Variants in CDH4 observed in about 807,000 individuals in gnomAD.
The protein encoded by CDH4 is cadherin 4.
CDH4 carries 33 observed loss-of-function variants against 86.0 expected under a neutral mutation model. That is an observed-to-expected ratio of 0.38 (90% CI 0.29 to 0.51). The LOEUF is 0.51. Among genes scored for constraint, CDH4 ranks in the 20% least tolerant of loss-of-function variants. The pLI is 0.86. For synonymous variants in CDH4, 555 were observed against 549.4 expected, an observed-to-expected ratio of 1.01 and a Z score of -0.14; for missense variants, 1,114 against 1,307.4, an observed-to-expected ratio of 0.85 and a Z score of 2.28.
chr20:61,729,991 T>C (rs2088159525), intron 2 of CDH4, among the ~76,000 whole-genome samples: 1 of 152,180 alleles, frequency 6.6e-6, no homozygotes, highest in African/African-American at 2.4e-5. Context: ...CATTTCTTAA[T>C]AGACTTTGGT....
At chr20:61,297,797 G>A (rs892835809) in intron 2 of CDH4, among the ~76,000 whole-genome samples, 6 of 152,370 alleles carry the variant, frequency 3.9e-5, no homozygotes, top group South Asian at 2.1e-4. Context: ...TTGTCTTAGC[G>A]TGCTCCTTTC....
chr20:61,361,620 C>T lies in CDH4; in HGVS notation c.169+106683C>T, dbSNP rs965233954. On this transcript the variant is annotated intron_variant, in intron 2 of 15. Coordinates refer to ENST00000614565, the MANE Select transcript of CDH4 (RefSeq NM_001794.5). Reference sequence around the variant, plus strand: ...TCCGACAGTCGTGCGTGGAGGAGCCCGGCCTGACTCCTTCCTTGAACAGAC... The same window carrying T: ...TCCGACAGTCGTGCGTGGAGGAGCCTGGCCTGACTCCTTCCTTGAACAGAC... Among the ~76,000 whole-genome samples, 17 of 152,190 alleles carry T rather than the reference C, an allele frequency of 1.1e-4. 1 individual carries two copies. The highest frequency in any genetic ancestry group is 6.5e-4 in the Admixed American group (10 of 15,284).
At chr20:61,874,270 A>G (rs1043516948) in intron 7 of CDH4, among the ~76,000 whole-genome samples, 3 of 150,480 alleles carry the variant, frequency 2.0e-5, no homozygotes, top group Non-Finnish European at 4.4e-5. Flanking sequence ...CTTGAAACCC[A>G]CCCCTTCTGG....
chr20:61,356,215 A>G (rs1197925705), intron 2 of CDH4, among the ~76,000 whole-genome samples: 2 of 152,178 alleles, frequency 1.3e-5, no homozygotes, highest in Admixed American at 6.5e-5. Flanking sequence ...ACGAGGGATT[A>G]TCTTGGAAGA....
At chr20:61,768,358 A>G (rs2088727296) in intron 3 of CDH4, among the ~76,000 whole-genome samples, 1 of 152,148 alleles carries the variant, frequency 6.6e-6, no homozygotes, top group Non-Finnish European at 1.5e-5. Flanking sequence ...ATATATCTAT[A>G]TGTGCATGTG....
At chr20:61,779,959 T>A (rs551878911) in intron 4 of CDH4, among the ~76,000 whole-genome samples, 1 of 152,198 alleles carries the variant, frequency 6.6e-6, no homozygotes, top group Non-Finnish European at 1.5e-5. Flanking sequence ...GGAGTCCACC[T>A]AAGCACCCAC....
chr20:61,674,973 TAGAAAG>T (rs988281951), intron 2 of CDH4, among the ~76,000 whole-genome samples: 4 of 152,196 alleles, frequency 2.6e-5, no homozygotes, highest in Non-Finnish European at 4.4e-5. Flanking sequence ...GGTGAGCAAT[TAGAAAG>T]AGACATTGTG....
At chr20:61,575,003 G>A (rs79182657) in intron 2 of CDH4, among the ~76,000 whole-genome samples, 4,478 of 152,292 alleles carry the variant, frequency 0.029, 208 homozygotes, top group African/African-American at 0.092. Context: ...GAAACACCAC[G>A]CTGGGAAGGT....
intron 2 of CDH4, among the ~76,000 whole-genome samples, chr20:61,549,571 G>C (rs1480385614): frequency 6.6e-6 from 1 of 152,208 alleles, no homozygotes; most frequent in Admixed American, 6.5e-5. Context: ...GATGCTCCTC[G>C]TGTGTTCCGT....
intron 2 of CDH4, among the ~76,000 whole-genome samples, chr20:61,318,236 C>A (rs1274122621): frequency 6.6e-6 from 1 of 152,166 alleles, no homozygotes; most frequent in Middle Eastern, 3.2e-3. Flanking sequence ...TGACGACTCT[C>A]CCGTATGTTC....
At chr20:61,588,629 C>A (rs145733905) in intron 2 of CDH4, among the ~76,000 whole-genome samples, 32 of 152,116 alleles carry the variant, frequency 2.1e-4, no homozygotes, top group South Asian at 4.1e-4. Context: ...GGCCCTCCCC[C>A]TCCCGAGACC....
chr20:61,904,471 C>T (rs997192624), intron 8 of CDH4, among the ~76,000 whole-genome samples: 1 of 152,156 alleles, frequency 6.6e-6, no homozygotes, highest in East Asian at 1.9e-4. Flanking sequence ...GGAGTCCTCA[C>T]GCCCACCAGC....
At chr20:61,901,232 G>A (rs1348245711) in intron 8 of CDH4, among the ~76,000 whole-genome samples, 7 of 151,024 alleles carry the variant, frequency 4.6e-5, no homozygotes, top group Admixed American at 1.3e-4. Flanking sequence ...TAGGGGCAGG[G>A]GCAGGGGCAG....
Position 61,383,177 on chromosome 20 carries a change from T to TATA in CDH4, c.169+128240_169+128241insATA, listed in dbSNP as rs546345326. Among the ~76,000 whole-genome samples, 39 of 102,362 alleles carry TATA rather than the reference T, an allele frequency of 3.8e-4. 5 individuals are homozygous for TATA. The highest frequency in any genetic ancestry group is 4.7e-3 in the Middle Eastern group (1 of 212). 67.2% of individuals were successfully genotyped at this position (102,362 alleles called of 152,430 possible). On this transcript the variant is annotated intron_variant, in intron 2 of 15. Coordinates refer to ENST00000614565, the MANE Select transcript of CDH4 (RefSeq NM_001794.5). ...GAATATATTATATATATGAATATAT[T>TATA]TATGAATATATATGAATATATTTAT...
At chr20:61,625,664 G>C (rs2145780533) in intron 2 of CDH4, among the ~76,000 whole-genome samples, 1 of 152,318 alleles carries the variant, frequency 6.6e-6, no homozygotes, top group South Asian at 2.1e-4. Flanking sequence ...AGACTTGGTT[G>C]TATGAGCAGA....
intron 2 of CDH4, among the ~76,000 whole-genome samples, chr20:61,706,409 G>A (rs555724776): frequency 3.9e-5 from 6 of 152,310 alleles, no homozygotes; most frequent in East Asian, 3.9e-4. Context: ...CTCATTTGCC[G>A]CAGACCCCCT....
rs548683667 is a variant in CDH4 at position 61,606,281 on chromosome 20, C to A, written c.170-137282C>A. Among the ~76,000 whole-genome samples, 6 of 152,346 alleles carry A rather than the reference C, an allele frequency of 3.9e-5. No homozygotes were observed. The South Asian group carries it at 1.2e-3, about 32-fold the overall frequency. On this transcript the variant is annotated intron_variant, in intron 2 of 15. Transcript: ENST00000614565. The stretch of plus-strand genomic sequence containing the variant: ...ACCACCTCTGTGCCGGGCTCACTTC[C>A]AAGTGCTCTGCGTGCTGCCATTCCT...
At chr20:61,476,364 AGTGTGTGTGCCC>A (rs559901775) in intron 2 of CDH4, among the ~76,000 whole-genome samples, 83 of 152,308 alleles carry the variant, frequency 5.4e-4, no homozygotes, top group African/African-American at 1.9e-3. Flanking sequence ...CTCATCTAGA[AGTGTGTGTGCCC>A]GTGTGTGTGC....
intron 7 of CDH4, among the ~76,000 whole-genome samples, chr20:61,887,243 G>C (rs1391656008): frequency 6.6e-6 from 1 of 152,180 alleles, no homozygotes; most frequent in African/African-American, 2.4e-5. Context: ...CCCTGCCAAC[G>C]GGAAGGCCAC....
Sources: gnomAD v4.1 joint callset for allele counts (sites outside exome capture counted in the v4.1 genomes callset) on GRCh38, gnomAD v4.1.1 for gene constraint, MANE v1.5 for transcripts, NCBI Gene and HGNC (gene_info 2026-07-23, HGNC 2026-07-21) for gene names.